CFAP91: variants seen among roughly 807,000 people sequenced by gnomAD.
The protein encoded by CFAP91 is cilia- and flagella-associated protein 91.
A neutral mutation model predicts 95.9 loss-of-function variants in CFAP91; 85 were observed. That is an observed-to-expected ratio of 0.89 (90% confidence interval 0.74 to 1.06). The LOEUF (loss-of-function observed/expected upper bound fraction) is 1.06, where lower values mean the gene tolerates loss of function less well. Among genes scored for constraint, CFAP91 ranks in the 50% least tolerant of loss-of-function variants. The probability of loss-of-function intolerance (pLI) is 0.00; values close to 1 mark genes in which losing one functional copy is unlikely to be tolerated. For missense variants in CFAP91, 962 were observed against 943.4 expected (o/e 1.02, Z -0.26); for synonymous variants, 335 against 327.5 (o/e 1.02, Z -0.25).
At chr3:119,729,384 C>T (rs532854965) in intron 7 of CFAP91, among the ~76,000 whole-genome samples, 70 of 151,952 alleles carry the variant, frequency 4.6e-4, no homozygotes, top group Non-Finnish European at 9.0e-4. Flanking sequence ...TGGTGGCTCA[C>T]GCTTGTAATC....
intron 13 of CFAP91, 122 bp downstream of exon 13, chr3:119,740,817 C>A (rs1275162506): frequency 1.9e-6 from 2 of 1,052,132 alleles, no homozygotes; most frequent in Non-Finnish European, 1.4e-6. Flanking sequence ...CCCCACAATC[C>A]CATCACTCTG....
Position 119,744,076 on chromosome 3 carries a change from G to C in CFAP91, c.1782G>C (p.Arg594Ser). The C allele has an allele frequency of 6.2e-7, 1 of 1,614,234 alleles. No homozygotes were observed. Among genetic ancestry groups the C allele is most frequent in the Non-Finnish European group, 8.5e-7 (1 of 1,180,038 alleles). ...AGCTGGTGAGACTGCAGGAGGAGAG[G>C]AGGATCCATGCCTTTGTCATGCTGG... is the stretch of plus-strand genomic sequence containing the variant. ...SKELVRLQEE[R>S]RIHAFVMLAE... Residue 594 changes from arginine (R) to serine (S), a missense_variant, in exon 14 of 18, where the codon AGG becomes AGC. Arg to Ser is a moderately radical substitution (Grantham distance 110). Coordinates refer to ENST00000273390, the MANE Select transcript of CFAP91 (RefSeq NM_033364.4).
chr3:119,763,466 G>A (rs779895458), intron 17 of CFAP91, among the ~76,000 whole-genome samples: 1 of 152,040 alleles, frequency 6.6e-6, no homozygotes, highest in South Asian at 2.1e-4. Context: ...CCACAACTGG[G>A]TGTATATCCA....
chr3:119,732,572 G>A (rs1577222761), intron 9 of CFAP91, 96 bp downstream of exon 9: 2 of 911,650 alleles, frequency 2.2e-6, no homozygotes, highest in Non-Finnish European at 1.6e-6. Flanking sequence ...TAAAAGCTAA[G>A]CAATAAAAAT....
chr3:119,726,485 C>G, intron 7 of CFAP91, 137 bp downstream of exon 7: 1 of 782,482 alleles, frequency 1.3e-6, no homozygotes, highest in Non-Finnish European at 1.9e-6. Context: ...ATTGGGCATC[C>G]GGTTCTTTCA....
chr3:119,721,408 T>C (rs996707525), intron 6 of CFAP91, among the ~76,000 whole-genome samples: 2 of 152,198 alleles, frequency 1.3e-5, no homozygotes, highest in Non-Finnish European at 2.9e-5. Flanking sequence ...AGCTTTACCT[T>C]AAAAGAAAAA....
rs945126668 is a variant in CFAP91 at position 119,766,183 on chromosome 3, A to C, written c.*1133A>C. 6.6e-6 allele frequency: 1 copy of C among 152,212 alleles called. No homozygotes were observed. Among genetic ancestry groups the C allele is most frequent in the Non-Finnish European group, 1.5e-5 (1 of 68,034 alleles). The allele number at this position is 152,212 out of a possible 1,614,324, so 9.4% of individuals were successfully genotyped here. On this transcript the variant is annotated 3_prime_UTR_variant, in exon 18 of 18. Coordinates refer to ENST00000273390, the MANE Select transcript of CFAP91 (RefSeq NM_033364.4). The stretch of plus-strand genomic sequence containing the variant: ...ATTAAGTGATCCAACATGGGATGGG[A>C]AGGAATGGGCAAAGAGATTAAAATG...
At chr3:119,758,056 TTTGG>T (rs947834016) in intron 17 of CFAP91, among the ~76,000 whole-genome samples, 12 of 152,274 alleles carry the variant, frequency 7.9e-5, no homozygotes, top group African/African-American at 2.4e-4. Context: ...AGTTTGTTTG[TTTGG>T]TTGGTTGGTT....
intron 17 of CFAP91, among the ~76,000 whole-genome samples, chr3:119,763,464 G>A (rs2054574564): frequency 6.6e-6 from 1 of 152,064 alleles, no homozygotes; most frequent in African/African-American, 2.4e-5. Flanking sequence ...TTCCACAACT[G>A]GGTGTATATC....
intron 4 of CFAP91, 122 bp downstream of exon 4, chr3:119,708,796 T>TAA: frequency 1.7e-6 from 1 of 603,718 alleles, no homozygotes; most frequent in Non-Finnish European, 3.0e-6. Context: ...TTAAGTGCTT[T>TAA]ACATGCATAT....
intron 10 of CFAP91, 48 bp downstream of exon 10, chr3:119,733,554 A>T: frequency 6.3e-7 from 1 of 1,587,600 alleles, no homozygotes; most frequent in South Asian, 1.1e-5. Flanking sequence ...TGATTTTTGC[A>T]GATAAATGCT....
At position 119,732,369 on chromosome 3, in the gene CFAP91, C is replaced by G; in HGVS notation, c.1094C>G (p.Ser365Cys). 2 of 1,612,344 alleles carry G rather than the reference C, an allele frequency of 1.2e-6. No individual in the cohort carries two copies. Among genetic ancestry groups the G allele is most frequent in the African/African-American group, 2.7e-5 (2 of 74,992 alleles). The change falls in exon 9 of 18, where the codon TCT (serine) becomes TGT (cysteine). Residue 365 changes from serine (S) to cysteine (C), a missense_variant. Ser to Cys is a moderately radical substitution (Grantham distance 112). Coordinates refer to ENST00000273390, the MANE Select transcript of CFAP91 (RefSeq NM_033364.4). The part of the protein sequence containing the change: ...LERRNIIKDY[S>C]DYASQVYGPL... ...AGAAGAAATATCATCAAGGATTATT[C>G]TGATTATGCATCACAGGTCTATGGA...
intron 5 of CFAP91, among the ~76,000 whole-genome samples, chr3:119,710,741 A>C (rs1317542979): frequency 6.6e-5 from 10 of 152,090 alleles, no homozygotes; most frequent in Non-Finnish European, 1.5e-4. Context: ...CTTAATAACC[A>C]TCTAATCTAC....
chr3:119,726,267 C>A lies in CFAP91; in HGVS notation c.779C>A (p.Thr260Asn). ...WEASLPALSD[T>N]SQFEKRRKMM... ...GCCTCTCTCCCCGCTCTGAGTGACA[C>A]CTCCCAGTTTGAGAAGAGGAGGAAA... Residue 260 changes from threonine to asparagine, a missense_variant, in exon 7 of 18, where the codon ACC becomes AAC. Transcript: ENST00000273390. The A allele has an allele frequency of 1.2e-6, 2 of 1,613,862 alleles. No individual in the cohort carries two copies. Among genetic ancestry groups the A allele is most frequent in the Non-Finnish European group, 1.7e-6 (2 of 1,179,930 alleles).
At chr3:119,724,894 A>G (rs539062347) in intron 6 of CFAP91, among the ~76,000 whole-genome samples, 13 of 152,038 alleles carry the variant, frequency 8.6e-5, no homozygotes, top group Non-Finnish European at 1.8e-4. Flanking sequence ...ACAGGCGCCC[A>G]CCACCACGCC....
chr3:119,748,042 C>A, intron 16 of CFAP91, 140 bp downstream of exon 16: 1 of 661,000 alleles, frequency 1.5e-6, no homozygotes. Context: ...CAGAGCTTGT[C>A]AGGTTCTCTT....
At chr3:119,736,249 A>G (rs964807842) in intron 10 of CFAP91, among the ~76,000 whole-genome samples, 4 of 127,810 alleles carry the variant, frequency 3.1e-5, no homozygotes, top group East Asian at 2.2e-4. Flanking sequence ...GGCAACCACT[A>G]TTCTACTTTC....
intron 6 of CFAP91, among the ~76,000 whole-genome samples, chr3:119,720,884 A>G (rs1190838399): frequency 1.3e-5 from 2 of 152,242 alleles, no homozygotes; most frequent in South Asian, 2.1e-4. Context: ...AATGTAAATT[A>G]TACATAAATA....
In CFAP91 at chr3:119,708,616, A is replaced by G. The variant is rs763710112; in HGVS notation, c.385A>G (p.Lys129Glu). 6.2e-6 allele frequency: 10 copies of G among 1,606,862 alleles called. No homozygotes were observed. The highest frequency in any genetic ancestry group is 4.0e-5 in the African/African-American group (3 of 74,584). The change falls in exon 4 of 18, where the codon AAA becomes GAA. Residue 129 changes from lysine to glutamate, a missense_variant. Transcript: ENST00000273390. ...TTTDASFQMPKEVYEDPEVTG... is the reference protein window; with the variant it reads ...TTTDASFQMPEEVYEDPEVTG... ...AACTGACGCTTCTTTTCAGATGCCT[A>G]AAGAAGTTTATGAAGATCCTGAAGT...
Sources: allele counts gnomAD v4.1 joint callset (sites outside exome capture counted in the v4.1 genomes callset), GRCh38; gene constraint gnomAD v4.1.1; transcripts MANE v1.5; gene names NCBI Gene and HGNC (gene_info 2026-07-23, HGNC 2026-07-21).